The following ATP13A3 variants were observed in gnomAD, a reference collection of about 807,000 sequenced individuals.
ATP13A3 encodes the protein ATPase 13A3.
In ATP13A3, 59 loss-of-function variants were observed where a neutral mutation model predicts 158.1. The observed-to-expected ratio is 0.37, with a 90% confidence interval of 0.30 to 0.46. ATP13A3 has a LOEUF of 0.46. Ranked by LOEUF, ATP13A3 falls within the 20% of genes least tolerant of loss-of-function variation. The pLI, the probability that ATP13A3 is intolerant of heterozygous loss-of-function variation, is 1.00. For missense variants in ATP13A3, 1,166 were observed against 1,525.2 expected (o/e 0.76, Z 3.92); for synonymous variants, 491 against 504.3 (o/e 0.97, Z 0.35).
At chr3:194,477,263 T>C (rs1262104528) in intron 2 of ATP13A3, among the ~76,000 whole-genome samples, 2 of 152,142 alleles carry the variant, frequency 1.3e-5, no homozygotes, top group African/African-American at 4.8e-5. Flanking sequence ...CCTCTGCAGG[T>C]ATCAGAGCAC....
rs748978277 is a variant in ATP13A3, at chr3:194,430,921, CAA to C, written c.2624+20_2624+21del. On this transcript the variant is annotated intron_variant, in intron 24 of 33. Transcript: ENST00000645319. Reference sequence around the variant, plus strand: ...ACCATCATTCATCAAAAACCAAAACCAAAAAAGACACCAATACTTACTCAACA... The same window carrying C: ...ACCATCATTCATCAAAAACCAAAACCAAAAGACACCAATACTTACTCAACA... 6.4e-7 allele frequency: 1 copy of C among 1,559,862 alleles called. No individual in the cohort carries two copies. Among genetic ancestry groups the C allele is most frequent in the African/African-American group, 1.4e-5 (1 of 73,246 alleles).
At chr3:194,430,754 TTAGC>T (rs1315214160) in intron 24 of ATP13A3, among the ~76,000 whole-genome samples, 185 bp downstream of exon 24, 6 of 152,194 alleles carry the variant, frequency 3.9e-5, no homozygotes, top group African/African-American at 1.4e-4. Context: ...ATATTGTACT[TTAGC>T]TAAATAAAAA....
At chr3:194,422,961 G>T in intron 30 of ATP13A3, among the ~76,000 whole-genome samples, 1 of 150,044 alleles carries the variant, frequency 6.7e-6, no homozygotes, top group East Asian at 1.9e-4. Context: ...ATAGGAAAAA[G>T]ATACATAGGC....
chr3:194,469,557 T>C (rs537616569), intron 2 of ATP13A3, among the ~76,000 whole-genome samples: 1 of 152,216 alleles, frequency 6.6e-6, no homozygotes, highest in Non-Finnish European at 1.5e-5. Context: ...TATATAATTC[T>C]GGAGTTTTAA....
chr3:194,452,374 C>T (rs1718873824), intron 10 of ATP13A3: 1 of 152,250 alleles, frequency 6.6e-6, no homozygotes, highest in African/African-American at 2.4e-5. Flanking sequence ...TGCCTCTAAT[C>T]CCGGCTACTC....
At chr3:194,450,063 C>T (rs1218357134) in intron 11 of ATP13A3, 82 bp downstream of exon 11, 2 of 1,416,932 alleles carry the variant, frequency 1.4e-6, no homozygotes, top group African/African-American at 2.9e-5. Context: ...AATGACATAG[C>T]TAATTTTGAA....
intron 2 of ATP13A3, among the ~76,000 whole-genome samples, chr3:194,493,639 AAAAAC>A (rs1479535652): frequency 6.6e-6 from 1 of 152,084 alleles, no homozygotes; most frequent in Non-Finnish European, 1.5e-5. Flanking sequence ...CTCCATCTCA[AAAAAC>A]AAAACAAAAA....
rs1020696183 is a variant in ATP13A3, at chr3:194,427,255, A to G, written c.2948-3T>C. 6.3e-7 allele frequency: 1 copy of G among 1,586,812 alleles called. No individual in the cohort carries two copies. The highest frequency in any genetic ancestry group is 1.4e-5 in the African/African-American group (1 of 72,818). The stretch of plus-strand genomic sequence containing the variant: ...TTTCCAGGCAGGATTTAAACTCACT[A>G]TATTGAAAAGAAAAAGAGGAAAGGT... On this transcript the variant is annotated splice_region_variant and splice_polypyrimidine_tract_variant and intron_variant, in intron 28 of 33. Transcript: ENST00000645319.
In ATP13A3 at chr3:194,402,691, ATTT is replaced by A. The variant is rs1399512786; in HGVS notation, c.*3225_*3227del. 6.6e-6 allele frequency: 1 copy of A among 152,222 alleles called. No homozygotes were observed. Among genetic ancestry groups the A allele is most frequent in the Admixed American group, 6.5e-5 (1 of 15,276 alleles). The allele number at this position is 152,222 out of a possible 1,614,324, so 9.4% of individuals were successfully genotyped here. A position where few individuals can be genotyped will look rare whatever the true frequency, so the allele number is the denominator to read the frequency against. Reference sequence around the variant, plus strand: ...AAAAAGTGTTATTTCATTCATTAAAATTTTTATTTTGAATAGCTTCAATCAAAA... The same window carrying A: ...AAAAAGTGTTATTTCATTCATTAAAATTATTTTGAATAGCTTCAATCAAAA... On this transcript the variant is annotated 3_prime_UTR_variant, in exon 34 of 34. Transcript: ENST00000645319.
chr3:194,421,874 A>G (rs1286060958), intron 30 of ATP13A3, among the ~76,000 whole-genome samples: 1 of 147,380 alleles, frequency 6.8e-6, no homozygotes, highest in African/African-American at 2.6e-5. Context: ...TGTTTTTCAA[A>G]TCTGATTGCA....
intron 31 of ATP13A3, among the ~76,000 whole-genome samples, chr3:194,419,592 AG>A (rs755103530): frequency 6.6e-6 from 1 of 152,192 alleles, no homozygotes; most frequent in Non-Finnish European, 1.5e-5. Context: ...GTAGACTGGT[AG>A]AGAAGAGAGG....
At chr3:194,457,212 A>G in intron 6 of ATP13A3, 38 bp from the exon 7 acceptor site, 2 of 1,505,732 alleles carry the variant, frequency 1.3e-6, no homozygotes, top group Non-Finnish European at 9.2e-7. Context: ...AACAAAGTTT[A>G]AAATATCCAA....
At chr3:194,454,004 G>A (rs1462048192) in intron 9 of ATP13A3, among the ~76,000 whole-genome samples, 3 of 152,186 alleles carry the variant, frequency 2.0e-5, no homozygotes, top group Non-Finnish European at 2.9e-5. Context: ...TCCAGTCTGT[G>A]ATCAGCAACT....
At chr3:194,450,878 G>A (rs1027647936) in intron 10 of ATP13A3, 3 of 151,730 alleles carry the variant, frequency 2.0e-5, no homozygotes, top group Admixed American at 1.3e-4. Context: ...ACAAATTTTA[G>A]TGAAACACTT....
chr3:194,413,882 G>A (rs1487136528), intron 31 of ATP13A3, 43 bp from the exon 32 acceptor site: 4 of 1,504,948 alleles, frequency 2.7e-6, no homozygotes, highest in Non-Finnish European at 2.8e-6. Context: ...GTTGTATGTA[G>A]TCAATATTAT....
Position 194,453,776 on chromosome 3 carries a change from T to C in ATP13A3, c.768A>G (p.Gln256=), listed in dbSNP as rs758470598. The change falls in exon 10 of 34, where the codon CAA becomes CAG. Residue 256 remains glutamine (Q), a splice_region_variant and synonymous_variant. Coordinates refer to ENST00000645319, the MANE Select transcript of ATP13A3 (RefSeq NM_001367549.1). ...IVSSLYSIRK[Q]YVMLHDMVAT... is the part of the protein sequence containing the mutation. ...CCACCATGTCATGCAACATAACATA[T>C]TGCTGAAAGAGGAAAAAGAAGTTAG... 1 of 1,612,840 alleles carries C rather than the reference T, an allele frequency of 6.2e-7. No individual in the cohort carries two copies. Among genetic ancestry groups the C allele is most frequent in the Non-Finnish European group, 8.5e-7 (1 of 1,179,162 alleles).
Position 194,437,608 on chromosome 3 carries a change from G to C in ATP13A3, c.1828-35C>G, listed in dbSNP as rs1279280850. On this transcript the variant is annotated intron_variant, in intron 17 of 33. Transcript: ENST00000645319. ...AAACAAAACAAGAAAAAATAGTACA[G>C]ATTAACTCTATTAACACACTAAAGT... The C allele has an allele frequency of 5.7e-6, 9 of 1,566,806 alleles. No individual in the cohort carries two copies. The African/African-American group carries it at 1.2e-4, about 21-fold the overall frequency.
intron 30 of ATP13A3, among the ~76,000 whole-genome samples, chr3:194,422,975 G>T (rs944557250): frequency 6.6e-6 from 1 of 150,774 alleles, no homozygotes; most frequent in African/African-American, 2.4e-5. Context: ...CATAGGCCCT[G>T]AATAGGAAAG....
In ATP13A3 at chr3:194,435,274, C is replaced by T. The variant is rs1225840471; in HGVS notation, c.2121-1378G>A. 2.6e-5 allele frequency among the ~76,000 whole-genome samples: 4 copies of T among 152,198 alleles called. No individual in the cohort carries two copies. The South Asian group carries it at 6.2e-4, about 24-fold the overall frequency. On this transcript the variant is annotated intron_variant, in intron 20 of 33. Coordinates refer to ENST00000645319, the MANE Select transcript of ATP13A3 (RefSeq NM_001367549.1). Reference sequence around the variant, plus strand: ...GCCCAAAGCTGTATCAATGTGAAGACAATGTGTCAAAAGCACTAAGCCGCT... The same window carrying T: ...GCCCAAAGCTGTATCAATGTGAAGATAATGTGTCAAAAGCACTAAGCCGCT...
Sources: gnomAD v4.1 joint callset for allele counts (sites outside exome capture counted in the v4.1 genomes callset) on GRCh38, gnomAD v4.1.1 for gene constraint, MANE v1.5 for transcripts, NCBI Gene and HGNC (gene_info 2026-07-23, HGNC 2026-07-21) for gene names.